Variants in ABL1 observed in about 807,000 individuals in gnomAD.
ABL1 encodes the protein tyrosine-protein kinase ABL1.
In ABL1, 11 loss-of-function variants were observed where a neutral mutation model predicts 94.7. The observed-to-expected ratio is 0.12, with a 90% confidence interval of 0.07 to 0.19. The LOEUF is 0.19. Among genes scored for constraint, ABL1 ranks in the 10% least tolerant of loss-of-function variants. The pLI, the probability that ABL1 is intolerant of heterozygous loss-of-function variation, is 1.00. For synonymous variants in ABL1, 656 were observed against 622.4 expected (o/e 1.05, Z -0.80); for missense variants, 1,082 against 1,489.4 (o/e 0.73, Z 4.50).
intron 1 of ABL1, among the ~76,000 whole-genome samples, chr9:130,765,698 T>A (rs1476201368): frequency 6.6e-6 from 1 of 152,210 alleles, no homozygotes; most frequent in African/African-American, 2.4e-5. Context: ...AGAGGCACAA[T>A]TAGACCTGAC....
chr9:130,863,643 A>G lies in ABL1; in HGVS notation c.822+608A>G, dbSNP rs887732591. 6.6e-6 allele frequency among the ~76,000 whole-genome samples: 1 copy of G among 152,200 alleles called. No individual in the cohort carries two copies. The highest frequency in any genetic ancestry group is 1.5e-5 in the Non-Finnish European group (1 of 68,022). On this transcript the variant is annotated intron_variant, in intron 4 of 10. Coordinates refer to ENST00000318560, the MANE Select transcript of ABL1 (RefSeq NM_005157.6). This position sits in a 1 kb window ranked among gnomAD's most constrained non-coding sequence, Gnocchi z 4.3. ...TAACTGGGACTTTACCCTCTCCACT[A>G]ATGAATAGTGTTTGTAGTTTCCAGG...
intron 1 of ABL1, among the ~76,000 whole-genome samples, chr9:130,714,875 A>T (rs1831417998): frequency 6.6e-6 from 1 of 152,140 alleles, no homozygotes; most frequent in Non-Finnish European, 1.5e-5. Context: ...ATATTCTCAA[A>T]GTGGTTTGTG....
intron 1 of ABL1, among the ~76,000 whole-genome samples, chr9:130,825,295 C>T (rs1418247399): frequency 6.6e-6 from 1 of 152,156 alleles, no homozygotes. Flanking sequence ...TCTCTACACT[C>T]CCCTCCAGCT....
At chr9:130,839,789 T>G (rs1830642241) in intron 1 of ABL1, among the ~76,000 whole-genome samples, 1 of 152,172 alleles carries the variant, frequency 6.6e-6, no homozygotes, top group South Asian at 2.1e-4. Flanking sequence ...ATGTTTGTGT[T>G]ATGTTGATAC....
At chr9:130,820,510 T>C (rs922492393) in intron 1 of ABL1, among the ~76,000 whole-genome samples, 1 of 152,054 alleles carries the variant, frequency 6.6e-6, no homozygotes, top group African/African-American at 2.4e-5. Context: ...CTCATTTGTG[T>C]GTATACAACC....
chr9:130,856,003 C>G (rs1394733251), intron 3 of ABL1, among the ~76,000 whole-genome samples: 1 of 152,158 alleles, frequency 6.6e-6, no homozygotes, highest in African/African-American at 2.4e-5. Context: ...GCAACCTCTG[C>G]TTCCCATGCT....
chr9:130,788,529 G>A (rs761220994), intron 1 of ABL1, among the ~76,000 whole-genome samples: 6 of 152,064 alleles, frequency 3.9e-5, no homozygotes, highest in South Asian at 2.1e-4. Flanking sequence ...CCTAAAATCC[G>A]TATTCCAATT....
intron 2 of ABL1, among the ~76,000 whole-genome samples, chr9:130,854,486 A>C (rs537761684): frequency 4.9e-4 from 74 of 152,320 alleles, no homozygotes; most frequent in African/African-American, 1.6e-3. Context: ...CAAAATACTG[A>C]ACGCAATTTT....
At position 130,808,240 on chromosome 9, in the gene ABL1, TCTTC is replaced by T. The variant is rs1366462012; in HGVS notation, c.137-45823_137-45820del. Among the ~76,000 whole-genome samples, 80 of 140,626 alleles carry T rather than the reference TCTTC, an allele frequency of 5.7e-4. 1 individual carries two copies. Among genetic ancestry groups the T allele is most frequent in the African/African-American group, 2.0e-3 (74 of 36,544 alleles). The allele number at this position is 140,626 out of a possible 152,430, so 92.3% of individuals were successfully genotyped here. ...TTCTTCTTCTTCTTCTTCTTCTTCT[TCTTC>T]TTCTTTTTTTTTTTTTTGAAATGGA... On this transcript the variant is annotated intron_variant, in intron 1 of 10. Transcript: ENST00000372348.
chr9:130,737,394 A>G (rs2132706202), intron 1 of ABL1, among the ~76,000 whole-genome samples: 1 of 151,944 alleles, frequency 6.6e-6, no homozygotes. Flanking sequence ...CAGCCTCCCA[A>G]ATAGCTGGGA....
intron 6 of ABL1, 113 bp from the exon 7 acceptor site, chr9:130,874,755 G>A (rs2133002542): frequency 1.7e-6 from 2 of 1,144,996 alleles, no homozygotes; most frequent in Non-Finnish European, 2.6e-6. Context: ...AACTTCCAGG[G>A]CATTGGACTC....
intron 1 of ABL1, among the ~76,000 whole-genome samples, chr9:130,723,506 T>C (rs1831540998): frequency 6.6e-6 from 1 of 152,154 alleles, no homozygotes; most frequent in Non-Finnish European, 1.5e-5. Context: ...GATCATATCA[T>C]TGTACTCCAG....
chr9:130,733,324 A>G lies in ABL1; in HGVS notation c.136+18869A>G, dbSNP rs34717264. ...TGCCTTGGTAGTGAATAGATTCAGC[A>G]TGTTTGTACTTTCTATTTCTTCAGT... On this transcript the variant is annotated intron_variant, in intron 1 of 10. Coordinates refer to the ABL1 transcript ENST00000372348. Among the ~76,000 whole-genome samples the G allele has an allele frequency of 8.0e-3, 1,214 of 152,294 alleles. 15 individuals are homozygous for G. The highest frequency in any genetic ancestry group is 0.027 in the African/African-American group (1,128 of 41,546).
chr9:130,787,649 C>T (rs188583264), intron 1 of ABL1, among the ~76,000 whole-genome samples: 13 of 152,290 alleles, frequency 8.5e-5, no homozygotes, highest in Middle Eastern at 3.4e-3. Flanking sequence ...TCTCCAGCCT[C>T]GTGCTCTGCT....
intron 1 of ABL1, among the ~76,000 whole-genome samples, chr9:130,800,955 C>G (rs1830046730): frequency 6.9e-6 from 1 of 144,840 alleles, no homozygotes; most frequent in Non-Finnish European, 1.5e-5. Flanking sequence ...TTTTTTGAGA[C>G]AGTCTCTCTG....
chr9:130,817,455 TTGTTC>T (rs1830302139), intron 1 of ABL1, among the ~76,000 whole-genome samples: 1 of 152,342 alleles, frequency 6.6e-6, no homozygotes, highest in African/African-American at 2.4e-5. Flanking sequence ...CCTCCTTCCT[TTGTTC>T]TCCTCTGCCT....
intron 1 of ABL1, among the ~76,000 whole-genome samples, chr9:130,794,088 A>G (rs1486522897): frequency 6.6e-6 from 1 of 152,156 alleles, no homozygotes; most frequent in East Asian, 1.9e-4. Flanking sequence ...ATATAAATAA[A>G]GTGCACAATA....
intron 1 of ABL1, among the ~76,000 whole-genome samples, chr9:130,842,269 A>G (rs1175522857): frequency 1.3e-5 from 2 of 152,196 alleles, no homozygotes; most frequent in African/African-American, 4.8e-5. Flanking sequence ...TGCCTTCATA[A>G]TAGAGTCTAC....
In ABL1 at chr9:130,835,439, G is replaced by C. The variant is rs1262160317; in HGVS notation, c.-8G>C. 6.5e-7 allele frequency: 1 copy of C among 1,544,466 alleles called. No individual in the cohort carries two copies. Among genetic ancestry groups the C allele is most frequent in the Non-Finnish European group, 8.8e-7 (1 of 1,142,238 alleles). On this transcript the variant is annotated 5_prime_UTR_variant, in exon 1 of 11. Coordinates refer to ENST00000318560, the MANE Select transcript of ABL1 (RefSeq NM_005157.6). The surrounding 1 kb of genome is among the most constrained non-coding windows in gnomAD (Gnocchi z 4.6). ...GGGTTCCGGCCCCCGACGTGCTGGCGCGGGAAAATGTTGGAGATCTGCCTG... is the reference window on the plus strand; with the variant it reads ...GGGTTCCGGCCCCCGACGTGCTGGCCCGGGAAAATGTTGGAGATCTGCCTG...
Sources: allele counts gnomAD v4.1 joint callset (sites outside exome capture counted in the v4.1 genomes callset), GRCh38; gene constraint gnomAD v4.1.1; non-coding constraint Gnocchi (gnomAD v3.1); transcripts MANE v1.5; gene names NCBI Gene and HGNC (gene_info 2026-07-23, HGNC 2026-07-21).